EYS: variants seen among roughly 807,000 people sequenced by gnomAD.
EYS encodes EGF-like photoreceptor maintenance factor.
In EYS, 250 loss-of-function variants were observed where a neutral mutation model predicts 282.1. The observed-to-expected ratio is 0.89, with a 90% CI of 0.80 to 0.98. The LOEUF is 0.98. Ranked by LOEUF, EYS falls within the 50% of genes least tolerant of loss-of-function variation. The pLI is 0.00. For missense variants in EYS, 4,016 were observed against 3,709.0 expected, an observed-to-expected ratio of 1.08 and a Z score of -2.15; for synonymous variants, 1,355 against 1,282.9, an observed-to-expected ratio of 1.06 and a Z score of -1.20.
At chr6:65,473,253 T>C (rs1042691479) in intron 5 of EYS, among the ~76,000 whole-genome samples, 7 of 151,918 alleles carry the variant, frequency 4.6e-5, no homozygotes, top group Non-Finnish European at 1.0e-4. Flanking sequence ...GTCATTTCTG[T>C]GTAAGAGATA....
At chr6:65,421,180 C>T (rs1910316) in intron 5 of EYS, among the ~76,000 whole-genome samples, 2 of 151,860 alleles carry the variant, frequency 1.3e-5, no homozygotes, top group African/African-American at 4.8e-5. Context: ...TCTTCTGATA[C>T]TAGGCTGTTT....
chr6:64,617,376 G>T, intron 24 of EYS, 42 bp downstream of exon 24: 1 of 1,263,308 alleles, frequency 7.9e-7, no homozygotes, highest in Non-Finnish European at 1.1e-6. Context: ...GTATCAAAGA[G>T]AATAAAAAAT....
At chr6:64,252,484 G>A (rs576242162) in intron 30 of EYS, among the ~76,000 whole-genome samples, 2 of 151,936 alleles carry the variant, frequency 1.3e-5, no homozygotes, top group South Asian at 4.2e-4. Context: ...TCATAGTCAG[G>A]GTGATCATGT....
At chr6:63,919,467 C>T (rs1764511384) in intron 35 of EYS, among the ~76,000 whole-genome samples, 2 of 151,772 alleles carry the variant, frequency 1.3e-5, no homozygotes, top group South Asian at 4.2e-4. Flanking sequence ...TTCCAGTCCC[C>T]TTTGTATCTA....
At chr6:64,093,998 A>G (rs998167154) in intron 31 of EYS, among the ~76,000 whole-genome samples, 1 of 152,166 alleles carries the variant, frequency 6.6e-6, no homozygotes, top group Non-Finnish European at 1.5e-5. Context: ...CCTTTTCTGC[A>G]TCTATTGAGG....
intron 19 of EYS, among the ~76,000 whole-genome samples, chr6:64,833,939 G>A (rs895598400): frequency 6.6e-6 from 1 of 151,908 alleles, no homozygotes; most frequent in Non-Finnish European, 1.5e-5. Context: ...AGTAACTGGA[G>A]ATCAATGAAA....
At chr6:64,465,003 A>G (rs1775871101) in intron 26 of EYS, among the ~76,000 whole-genome samples, 1 of 151,966 alleles carries the variant, frequency 6.6e-6, no homozygotes, top group South Asian at 2.1e-4. Flanking sequence ...AAATAAATAA[A>G]TGAATATTAA....
intron 41 of EYS, among the ~76,000 whole-genome samples, chr6:63,739,961 G>A (rs1485796857): frequency 1.1e-4 from 16 of 151,188 alleles, no homozygotes; most frequent in Admixed American, 9.9e-4. Context: ...GCCTCCCAAA[G>A]TGCTGGGATT....
At chr6:65,094,849 GA>G (rs1452077103) in intron 12 of EYS, among the ~76,000 whole-genome samples, 1 of 151,064 alleles carries the variant, frequency 6.6e-6, no homozygotes, top group Non-Finnish European at 1.5e-5. Context: ...AAAATTAGCA[GA>G]AGGAAAGAAA....
chr6:64,191,469 C>T (rs1039987379), intron 31 of EYS, among the ~76,000 whole-genome samples: 1 of 136,426 alleles, frequency 7.3e-6, no homozygotes, highest in Admixed American at 7.4e-5. Flanking sequence ...TCGTCCAGTG[C>T]TATCCCTTCC....
intron 12 of EYS, among the ~76,000 whole-genome samples, chr6:65,227,025 G>A (rs919311978): frequency 2.0e-5 from 3 of 151,980 alleles, no homozygotes; most frequent in Non-Finnish European, 2.9e-5. Flanking sequence ...ACCTGAGATC[G>A]GGAGTGAGAG....
chr6:64,342,420 T>G (rs529692358), intron 29 of EYS, among the ~76,000 whole-genome samples: 1 of 152,000 alleles, frequency 6.6e-6, no homozygotes, highest in African/African-American at 2.4e-5. Flanking sequence ...TCAACATTCT[T>G]AAAGAAAAGA....
chr6:65,185,777 G>A (rs1311830410), intron 12 of EYS, among the ~76,000 whole-genome samples: 8 of 151,634 alleles, frequency 5.3e-5, no homozygotes, highest in Non-Finnish European at 1.0e-4. Flanking sequence ...TTTTAGTGAC[G>A]GCTAGTTGAT....
chr6:64,744,240 G>A (rs1772477348), intron 22 of EYS, among the ~76,000 whole-genome samples: 1 of 152,004 alleles, frequency 6.6e-6, no homozygotes, highest in African/African-American at 2.4e-5. Context: ...TCAGAAAATG[G>A]GTCGTAAACC....
chr6:64,119,983 GT>G (rs746817324), intron 31 of EYS, among the ~76,000 whole-genome samples: 2 of 151,694 alleles, frequency 1.3e-5, no homozygotes, highest in Non-Finnish European at 2.9e-5. Context: ...ACTTATTAGT[GT>G]TTTAACATTA....
At chr6:64,497,875 T>C (rs1338641298) in intron 26 of EYS, among the ~76,000 whole-genome samples, 2 of 152,096 alleles carry the variant, frequency 1.3e-5, no homozygotes, top group Non-Finnish European at 2.9e-5. Flanking sequence ...TTTTTGAGCC[T>C]GGGTGAACAA....
chr6:65,621,827 T>C (rs1006352567), intron 2 of EYS, among the ~76,000 whole-genome samples: 11 of 152,130 alleles, frequency 7.2e-5, no homozygotes, highest in Non-Finnish European at 1.5e-4. Flanking sequence ...ATGTGTCTCT[T>C]TTACTGAGTT....
intron 31 of EYS, among the ~76,000 whole-genome samples, chr6:64,225,032 A>G (rs1202875179): frequency 6.6e-6 from 1 of 152,112 alleles, no homozygotes; most frequent in African/African-American, 2.4e-5. Flanking sequence ...GGGACTCTGA[A>G]TCTTGAGCAA....
At chr6:65,394,387 G>T (rs1416427437) in intron 7 of EYS, among the ~76,000 whole-genome samples, 1 of 152,104 alleles carries the variant, frequency 6.6e-6, no homozygotes, top group African/African-American at 2.4e-5. Flanking sequence ...AGGTCACAAT[G>T]ACTTTCCCTT....
Sources: gnomAD v4.1 joint callset for allele counts (sites outside exome capture counted in the v4.1 genomes callset) on GRCh38, gnomAD v4.1.1 for gene constraint, MANE v1.5 for transcripts, NCBI Gene and HGNC (gene_info 2026-07-23, HGNC 2026-07-21) for gene names.